The following PPP2R2C variants were observed in gnomAD, a reference collection of about 807,000 sequenced individuals.
PPP2R2C encodes protein phosphatase 2 regulatory subunit Bgamma, also known as protein phosphatase 2, regulatory subunit B, gamma.
PPP2R2C carries 10 observed loss-of-function variants against 45.3 expected under a neutral mutation model. That is an observed-to-expected ratio of 0.22 (90% CI 0.14 to 0.37). The LOEUF (loss-of-function observed/expected upper bound fraction) is 0.37, where lower values mean the gene tolerates loss of function less well. Ranked by LOEUF, PPP2R2C falls within the 10% of genes least tolerant of loss-of-function variation. The probability of loss-of-function intolerance (pLI) is 1.00; values close to 1 mark genes in which losing one functional copy is unlikely to be tolerated. For missense variants in PPP2R2C, 308 were observed against 619.7 expected, an observed-to-expected ratio of 0.50 and a Z score of 5.34; for synonymous variants, 257 against 245.4, an observed-to-expected ratio of 1.05 and a Z score of -0.44.
chr4:6,444,427 TAAG>T (rs1478156587), intron 1 of PPP2R2C, among the ~76,000 whole-genome samples: 1 of 152,078 alleles, frequency 6.6e-6, no homozygotes, highest in Non-Finnish European at 1.5e-5. Flanking sequence ...ATTTAACAGA[TAAG>T]AAGACTGAGG....
At chr4:6,447,383 A>T (rs1293708831) in intron 1 of PPP2R2C, among the ~76,000 whole-genome samples, 2 of 151,982 alleles carry the variant, frequency 1.3e-5, no homozygotes, top group Non-Finnish European at 1.5e-5. Flanking sequence ...AAATAACCCC[A>T]TCTCGGGCTG....
chr4:6,477,523 A>G (rs113237608), upstream of PPP2R2C, among the ~76,000 whole-genome samples: 17,751 of 151,898 alleles, frequency 0.12, 1,207 homozygotes, highest in Non-Finnish European at 0.16. Flanking sequence ...TCAGGAGATC[A>G]AGACCATCCT....
At chr4:6,458,129 A>T (rs1721137527) in intron 1 of PPP2R2C, among the ~76,000 whole-genome samples, 1 of 152,098 alleles carries the variant, frequency 6.6e-6, no homozygotes, top group African/African-American at 2.4e-5. Flanking sequence ...CTCCAATTTA[A>T]ATTTCACTTC....
chr4:6,534,634 T>C (rs1452972192), intron 2 of PPP2R2C, among the ~76,000 whole-genome samples: 1 of 149,320 alleles, frequency 6.7e-6, no homozygotes, highest in East Asian at 2.0e-4. Context: ...AACACACACA[T>C]ATCAACACAC....
At chr4:6,357,739 G>A (rs887599729) in intron 5 of PPP2R2C, among the ~76,000 whole-genome samples, 1 of 152,182 alleles carries the variant, frequency 6.6e-6, no homozygotes, top group African/African-American at 2.4e-5. Flanking sequence ...GTGGGGGTAG[G>A]GGTGCTGGGT....
rs1402659291 is a variant in PPP2R2C at position 6,472,562 on chromosome 4, G to A, written c.-333C>T. 6.8e-6 allele frequency: 1 copy of A among 146,690 alleles called. No homozygotes were observed. The highest frequency in any genetic ancestry group is 2.4e-5 in the African/African-American group (1 of 40,830). The allele number at this position is 146,690 out of a possible 1,614,324, so 9.1% of individuals were successfully genotyped here. A position where few individuals can be genotyped will look rare whatever the true frequency, so the allele number is the denominator to read the frequency against. ...CGCCTGGCTGCGGCGACGGCGGCGAGGGGACGCGCGCGGCGCTGCGCTGCG... is the reference window on the plus strand; with the variant it reads ...CGCCTGGCTGCGGCGACGGCGGCGAAGGGACGCGCGCGGCGCTGCGCTGCG... On this transcript the variant is annotated 5_prime_UTR_variant, in exon 1 of 9. Transcript: ENST00000382599.
intron 5 of PPP2R2C, among the ~76,000 whole-genome samples, chr4:6,352,415 A>C (rs1424416309): frequency 5.9e-5 from 9 of 152,160 alleles, no homozygotes; most frequent in Admixed American, 5.9e-4. Context: ...ACTGCTTCAC[A>C]AGGTTCATTT....
Position 6,328,578 on chromosome 4 carries a change from G to A in PPP2R2C, c.1052+684C>T, listed in dbSNP as rs905086349. ...AAGAGACACAGAGGTAAGGACCCAC[G>A]GGTAGAGGTCAGGTCAGGAGCCCCT... On this transcript the variant is annotated intron_variant, in intron 8 of 8. Transcript: ENST00000382599. This position sits in a 1 kb window ranked among gnomAD's most constrained non-coding sequence, Gnocchi z 4.4. 7.9e-5 allele frequency among the ~76,000 whole-genome samples: 12 copies of A among 152,214 alleles called. No homozygotes were observed. The highest frequency in any genetic ancestry group is 5.9e-4 in the Admixed American group (9 of 15,290).
intron 4 of PPP2R2C, among the ~76,000 whole-genome samples, chr4:6,374,715 G>A (rs1715154334): frequency 1.3e-5 from 2 of 152,184 alleles, no homozygotes; most frequent in Non-Finnish European, 2.9e-5. Flanking sequence ...CTGTTTCCTT[G>A]GGGGCTGGGG....
intron 2 of PPP2R2C, among the ~76,000 whole-genome samples, chr4:6,508,209 G>C (rs1560591162): frequency 6.6e-6 from 1 of 152,210 alleles, no homozygotes; most frequent in Non-Finnish European, 1.5e-5. Flanking sequence ...ATCAGGTGAT[G>C]GTCAGGCGGT....
chr4:6,405,763 C>T (rs1343393498), intron 1 of PPP2R2C, among the ~76,000 whole-genome samples: 1 of 152,130 alleles, frequency 6.6e-6, no homozygotes, highest in South Asian at 2.1e-4. Flanking sequence ...TTAGTGCCAT[C>T]TTGATGATCA....
intron 1 of PPP2R2C, among the ~76,000 whole-genome samples, chr4:6,452,413 C>T (rs1204299122): frequency 6.6e-6 from 1 of 152,158 alleles, no homozygotes; most frequent in Non-Finnish European, 1.5e-5. Flanking sequence ...TTTGTGGGAT[C>T]CCGTCTGGGG....
intron 2 of PPP2R2C, among the ~76,000 whole-genome samples, chr4:6,518,922 TAAAAA>T (rs56002128): frequency 3.7e-3 from 345 of 92,764 alleles, no homozygotes; most frequent in African/African-American, 0.02. Context: ...GACTCTGTCT[TAAAAA>T]AAAAAAAAAA....
intron 1 of PPP2R2C, among the ~76,000 whole-genome samples, chr4:6,385,723 C>T (rs1269277454): frequency 1.3e-5 from 2 of 152,108 alleles, no homozygotes; most frequent in Non-Finnish European, 2.9e-5. Flanking sequence ...GCACCTGCCA[C>T]CACACCCAGC....
intron 1 of PPP2R2C, among the ~76,000 whole-genome samples, chr4:6,555,148 C>T (rs1470733009): frequency 1.3e-5 from 2 of 152,066 alleles, no homozygotes; most frequent in African/African-American, 4.8e-5. Flanking sequence ...AGATATCTGC[C>T]TCGGCCTCTT....
chr4:6,411,681 T>TC (rs1253081251), intron 1 of PPP2R2C, among the ~76,000 whole-genome samples: 1 of 151,878 alleles, frequency 6.6e-6, no homozygotes, highest in Non-Finnish European at 1.5e-5. Flanking sequence ...GCCTCCTGAG[T>TC]AGCTGGGACT....
At chr4:6,349,685 A>G (rs1282241489) in intron 5 of PPP2R2C, 1 of 805,346 alleles carries the variant, frequency 1.2e-6, no homozygotes. Context: ...CTAAAATACA[A>G]AAAGAAATTA....
chr4:6,375,732 G>A (rs1715244759), intron 4 of PPP2R2C, 87 bp downstream of exon 4: 1 of 1,181,668 alleles, frequency 8.5e-7, no homozygotes, highest in Admixed American at 2.1e-5. Context: ...ACCTGACTCT[G>A]GCTCAAATCT....
intron 1 of PPP2R2C, among the ~76,000 whole-genome samples, chr4:6,404,786 C>T (rs936848811): frequency 6.6e-6 from 1 of 152,180 alleles, no homozygotes; most frequent in Non-Finnish European, 1.5e-5. Flanking sequence ...ATTCAGGGCA[C>T]CCGCAAATGG....
Sources: allele counts gnomAD v4.1 joint callset (sites outside exome capture counted in the v4.1 genomes callset), GRCh38; gene constraint gnomAD v4.1.1; non-coding constraint Gnocchi (gnomAD v3.1); transcripts MANE v1.5; gene names NCBI Gene and HGNC (gene_info 2026-07-23, HGNC 2026-07-21).